FNIP2: variants seen among roughly 807,000 people sequenced by gnomAD.
FNIP2 encodes the protein folliculin-interacting protein 2.
Under a neutral mutation model 108.7 loss-of-function variants are expected in FNIP2, and 32 were observed. The observed-to-expected ratio is 0.29, with a 90% CI of 0.22 to 0.40. FNIP2 has a LOEUF of 0.40. Among genes scored for constraint, FNIP2 ranks in the 10% least tolerant of loss-of-function variants. FNIP2 has a pLI of 1.00. For missense variants in FNIP2, 1,202 were observed against 1,381.6 expected (o/e 0.87, Z 2.06); for synonymous variants, 480 against 496.7 (o/e 0.97, Z 0.45).
rs946374451 is a variant in FNIP2 at position 158,809,349 on chromosome 4, C to G, written c.108-16567C>G. 1.1e-4 allele frequency among the ~76,000 whole-genome samples: 16 copies of G among 152,306 alleles called. No individual in the cohort carries two copies. The Middle Eastern group carries it at 0.014, about 130-fold the overall frequency. On this transcript the variant is annotated intron_variant, in intron 1 of 16. Coordinates refer to ENST00000264433, the MANE Select transcript of FNIP2 (RefSeq NM_020840.3). ...TAGCAGGTACCTGTAATCCCAGCTA[C>G]TTGGGATGCTGAAGCAGGATAATCA... is the stretch of plus-strand genomic sequence containing the variant.
Position 158,868,770 on chromosome 4 carries a change from C to T in FNIP2, c.2134C>T (p.Pro712Ser). 6.2e-7 allele frequency: 1 copy of T among 1,613,784 alleles called. No homozygotes were observed. The highest frequency in any genetic ancestry group is 1.7e-5 in the Admixed American group (1 of 60,008). Residue 712 changes from proline (P) to serine (S), a missense_variant, in exon 13 of 17, where the codon CCT becomes TCT. Pro to Ser is a moderately conservative substitution (Grantham distance 74). Coordinates refer to ENST00000264433, the MANE Select transcript of FNIP2 (RefSeq NM_020840.3). The surrounding 1 kb of genome is among the most constrained non-coding windows in gnomAD (Gnocchi z 4.6). ...CCCTGACAGACATCTCCGGGAGAAA[C>T]CTTCCTTAGAAAAGGTCACTTTCCA... ...PCPDRHLREK[P>S]SLEKVTFQIG...
chr4:158,784,171 A>G (rs537546101), intron 1 of FNIP2, among the ~76,000 whole-genome samples: 1 of 152,230 alleles, frequency 6.6e-6, no homozygotes, highest in African/African-American at 2.4e-5. Flanking sequence ...TTGTCAGAAG[A>G]TATTAAGCCA....
At chr4:158,797,430 T>C (rs1181770518) in intron 1 of FNIP2, among the ~76,000 whole-genome samples, 1 of 152,234 alleles carries the variant, frequency 6.6e-6, no homozygotes, top group Non-Finnish European at 1.5e-5. Flanking sequence ...CTGGGCATGG[T>C]GGCTCACACC....
At chr4:158,897,566 T>C (rs1176700516) in intron 16 of FNIP2, among the ~76,000 whole-genome samples, 1 of 152,232 alleles carries the variant, frequency 6.6e-6, no homozygotes, top group African/African-American at 2.4e-5. Context: ...TCATTGTGGT[T>C]TTGATTTGCA....
At chr4:158,780,514 G>A (rs992372379) in intron 1 of FNIP2, among the ~76,000 whole-genome samples, 4 of 152,112 alleles carry the variant, frequency 2.6e-5, no homozygotes, top group Admixed American at 1.3e-4. Flanking sequence ...ATCCTTTGAT[G>A]ATAGATATTT....
intron 16 of FNIP2, 151 bp from the exon 17 acceptor site, chr4:158,904,315 C>A (rs1348494941): frequency 6.6e-5 from 43 of 647,102 alleles, no homozygotes; most frequent in Admixed American, 2.8e-4. Flanking sequence ...AGTTTATTAT[C>A]CTTCCATCTG....
In FNIP2 at chr4:158,870,366, C is replaced by T. The variant is rs753861006; in HGVS notation, c.2846C>T (p.Ala949Val). The T allele has an allele frequency of 8.7e-6, 14 of 1,613,912 alleles. 1 individual carries two copies. Among genetic ancestry groups the T allele is most frequent in the South Asian group, 3.3e-5 (3 of 91,090 alleles). ...NVRNFGRSLL[A>V]GYCPTYMPDL... is the part of the protein sequence containing the mutation. ...AGGAACTTTGGCCGCTCACTTCTGG[C>T]GGGCTACTGCCCCACATACATGCCT... is the stretch of plus-strand genomic sequence containing the variant. The change falls in exon 14 of 17, where the codon GCG (alanine) becomes GTG (valine). Residue 949 changes from alanine to valine, a missense_variant. By Grantham distance (64) the Ala-to-Val change is moderately conservative. Coordinates refer to ENST00000264433, the MANE Select transcript of FNIP2 (RefSeq NM_020840.3).
At chr4:158,806,209 G>A (rs1303604592) in intron 1 of FNIP2, 2 of 1,280,082 alleles carry the variant, frequency 1.6e-6, no homozygotes, top group Non-Finnish European at 2.0e-6. Context: ...CCATGTTTAT[G>A]GTCAGGATAA....
At chr4:158,783,422 G>T (rs1312803645) in intron 1 of FNIP2, among the ~76,000 whole-genome samples, 1 of 152,128 alleles carries the variant, frequency 6.6e-6, no homozygotes, top group African/African-American at 2.4e-5. Context: ...GTTGGAGAGG[G>T]GCAAGTTACC....
chr4:158,874,168 A>T (rs1191190417), intron 14 of FNIP2, among the ~76,000 whole-genome samples: 7 of 152,242 alleles, frequency 4.6e-5, no homozygotes, highest in Non-Finnish European at 1.0e-4. Context: ...AGTGGAACAG[A>T]TGAAATATGA....
chr4:158,853,334 A>C (rs527915171), intron 8 of FNIP2, among the ~76,000 whole-genome samples: 3 of 152,346 alleles, frequency 2.0e-5, no homozygotes, highest in Admixed American at 6.5e-5. Context: ...CTGCTGATGC[A>C]GTCTTACATA....
intron 16 of FNIP2, 145 bp downstream of exon 16, chr4:158,896,010 G>T (rs1165405486): frequency 4.9e-6 from 3 of 616,256 alleles, no homozygotes; most frequent in Non-Finnish European, 8.9e-6. Flanking sequence ...ACGTGCCTCT[G>T]CAACTCCCCA....
intron 1 of FNIP2, among the ~76,000 whole-genome samples, chr4:158,781,647 T>C (rs533551542): frequency 6.6e-6 from 1 of 152,274 alleles, no homozygotes; most frequent in South Asian, 2.1e-4. Context: ...CCTGAGTAGC[T>C]GGGACTACAG....
At chr4:158,795,473 T>C (rs1367956590) in intron 1 of FNIP2, among the ~76,000 whole-genome samples, 4 of 152,238 alleles carry the variant, frequency 2.6e-5, no homozygotes, top group African/African-American at 7.2e-5. Flanking sequence ...TCTGATGAGA[T>C]GTAAAGAGAG....
chr4:158,841,812 T>C (rs924015468), intron 7 of FNIP2, among the ~76,000 whole-genome samples: 5 of 152,266 alleles, frequency 3.3e-5, no homozygotes, highest in Non-Finnish European at 5.9e-5. Context: ...AGTCTAGAAC[T>C]GACTCCCCAG....
intron 11 of FNIP2, 50 bp downstream of exon 11, chr4:158,861,538 G>C: frequency 6.2e-7 from 1 of 1,613,652 alleles, no homozygotes; most frequent in Non-Finnish European, 8.5e-7. Flanking sequence ...TGGCCAATGT[G>C]TGTACTGCAT....
intron 1 of FNIP2, among the ~76,000 whole-genome samples, chr4:158,795,339 T>C (rs1776552131): frequency 6.6e-6 from 1 of 152,212 alleles, no homozygotes; most frequent in Non-Finnish European, 1.5e-5. Context: ...AACTGCCTGC[T>C]CTCTGCTCAG....
chr4:158,855,456 C>CT (rs537334595), intron 8 of FNIP2, among the ~76,000 whole-genome samples: 20 of 150,526 alleles, frequency 1.3e-4, no homozygotes, highest in Non-Finnish European at 2.5e-4. Context: ...GTGAAGATCC[C>CT]TTTTTTTTTG....
intron 1 of FNIP2, among the ~76,000 whole-genome samples, chr4:158,784,654 A>G (rs1161886227): frequency 1.3e-5 from 2 of 152,140 alleles, no homozygotes; most frequent in Non-Finnish European, 2.9e-5. Context: ...TGTGCAGCCT[A>G]GCTCCCTCGC....
Sources: allele counts gnomAD v4.1 joint callset (sites outside exome capture counted in the v4.1 genomes callset), GRCh38; gene constraint gnomAD v4.1.1; non-coding constraint Gnocchi (gnomAD v3.1); transcripts MANE v1.5; gene names NCBI Gene and HGNC (gene_info 2026-07-23, HGNC 2026-07-21).